Variants in SGCZ observed in about 807,000 individuals in gnomAD.
SGCZ encodes the protein zeta-sarcoglycan.
In SGCZ, 40 loss-of-function variants were observed where a neutral mutation model predicts 41.3. That is an observed-to-expected ratio of 0.97 (90% CI 0.75 to 1.26). SGCZ has a LOEUF of 1.26. Among genes scored for constraint, SGCZ ranks in the 50% most tolerant of loss-of-function variants. The pLI, the probability that SGCZ is intolerant of heterozygous loss-of-function variation, is 0.00. For missense variants in SGCZ, 552 were observed against 369.8 expected, an observed-to-expected ratio of 1.49 and a Z score of -4.04; for synonymous variants, 206 against 137.5, an observed-to-expected ratio of 1.50 and a Z score of -3.49.
chr8:14,541,102 A>G (rs28735346), intron 2 of SGCZ, among the ~76,000 whole-genome samples: 1,557 of 151,772 alleles, frequency 0.01, 21 homozygotes, highest in African/African-American at 0.036. Context: ...ACACACATAT[A>G]TTATATATAT....
chr8:14,499,513 T>C (rs1169611615), intron 2 of SGCZ, among the ~76,000 whole-genome samples: 1 of 152,060 alleles, frequency 6.6e-6, no homozygotes, highest in African/African-American at 2.4e-5. Context: ...CATTTCTGTT[T>C]GTCATTGGCT....
intron 1 of SGCZ, among the ~76,000 whole-genome samples, chr8:14,922,421 T>A (rs1024536588): frequency 6.6e-6 from 1 of 152,148 alleles, no homozygotes; most frequent in Admixed American, 6.5e-5. Flanking sequence ...CGAGTGAATA[T>A]GGGCTACCTA....
chr8:14,464,222 C>A (rs1448392792), intron 2 of SGCZ, among the ~76,000 whole-genome samples: 1 of 151,466 alleles, frequency 6.6e-6, no homozygotes, highest in African/African-American at 2.4e-5. Context: ...TGGGTAGAAT[C>A]CACTGGTGAA....
intron 5 of SGCZ, among the ~76,000 whole-genome samples, chr8:14,138,216 C>G (rs1439569356): frequency 6.6e-6 from 1 of 152,182 alleles, no homozygotes; most frequent in Non-Finnish European, 1.5e-5. Flanking sequence ...GTACCAGCCA[C>G]TACAAAAACA....
chr8:15,149,076 C>T lies in SGCZ; in HGVS notation c.39+88509G>A, dbSNP rs142085889. On this transcript the variant is annotated intron_variant, in intron 1 of 7. Transcript: ENST00000382080. ...CAAAAGGAGGGAATTCTGTAAGTGT[C>T]TGTTAAGTGTCCCTGTTTTGAAGAT... Among the ~76,000 whole-genome samples, 594 of 152,266 alleles carry T rather than the reference C, an allele frequency of 3.9e-3. 2 individuals are homozygous for T. Among genetic ancestry groups the T allele is most frequent in the Admixed American group, 7.8e-3 (120 of 15,296 alleles).
intron 1 of SGCZ, among the ~76,000 whole-genome samples, chr8:14,856,122 A>G (rs1438258602): frequency 6.6e-6 from 1 of 152,242 alleles, no homozygotes; most frequent in Non-Finnish European, 1.5e-5. Context: ...AGGATTAAGG[A>G]TGGTGGCTAG....
chr8:14,596,640 C>G (rs890426782), intron 1 of SGCZ, among the ~76,000 whole-genome samples: 1 of 151,944 alleles, frequency 6.6e-6, no homozygotes, highest in African/African-American at 2.4e-5. Flanking sequence ...TTTAGAATAT[C>G]GTCCATGTGG....
chr8:14,704,911 T>C (rs1809284678), intron 1 of SGCZ, among the ~76,000 whole-genome samples: 1 of 151,998 alleles, frequency 6.6e-6, no homozygotes, highest in Non-Finnish European at 1.5e-5. Flanking sequence ...TAAGAATCGA[T>C]GCAACTATCA....
At chr8:15,221,598 T>C (rs1801604643) in intron 1 of SGCZ, among the ~76,000 whole-genome samples, 1 of 152,182 alleles carries the variant, frequency 6.6e-6, no homozygotes, top group Non-Finnish European at 1.5e-5. Context: ...ATTTGAAATC[T>C]GTGAAGACAC....
At chr8:15,194,397 G>C (rs1205610280) in intron 1 of SGCZ, among the ~76,000 whole-genome samples, 2 of 152,116 alleles carry the variant, frequency 1.3e-5, no homozygotes, top group South Asian at 2.1e-4. Flanking sequence ...TAACTTGTGT[G>C]GTAGGTACAA....
chr8:15,109,262 T>C (rs1394617991), intron 1 of SGCZ, among the ~76,000 whole-genome samples: 3 of 152,136 alleles, frequency 2.0e-5, no homozygotes, highest in African/African-American at 2.4e-5. Flanking sequence ...GTTTTTAGAA[T>C]TTCTTTTTAT....
intron 1 of SGCZ, among the ~76,000 whole-genome samples, chr8:14,899,790 A>C (rs1198680978): frequency 6.6e-6 from 1 of 152,026 alleles, no homozygotes; most frequent in East Asian, 1.9e-4. Context: ...CAGAGGGAGG[A>C]ATACAGGAAG....
intron 1 of SGCZ, among the ~76,000 whole-genome samples, chr8:15,094,750 T>C (rs539762256): frequency 6.6e-6 from 1 of 152,252 alleles, no homozygotes; most frequent in Non-Finnish European, 1.5e-5. Flanking sequence ...GTTTCCCCCA[T>C]ACTGTTCTCT....
chr8:15,041,288 G>C (rs1242304540), intron 1 of SGCZ, among the ~76,000 whole-genome samples: 1 of 151,500 alleles, frequency 6.6e-6, no homozygotes, highest in Admixed American at 6.6e-5. Context: ...TGAATATTTG[G>C]GAACCCTTGT....
At position 15,094,129 on chromosome 8, in the gene SGCZ, G is replaced by A. The variant is rs1322775111; in HGVS notation, c.39+143456C>T. Among the ~76,000 whole-genome samples, 9 of 151,820 alleles carry A rather than the reference G, an allele frequency of 5.9e-5. No homozygotes were observed. In the East Asian group the frequency reaches 9.7e-4, roughly 16 times the overall value. ...TACGGCAGTTGTTTTATTTATTTAT[G>A]GTTTTTTTTAAATTTTTTTTTTTGA... is the stretch of plus-strand genomic sequence containing the variant. On this transcript the variant is annotated intron_variant, in intron 1 of 7. Coordinates refer to ENST00000382080, the MANE Select transcript of SGCZ (RefSeq NM_139167.4).
At chr8:15,013,385 G>A (rs1802909566) in intron 1 of SGCZ, among the ~76,000 whole-genome samples, 1 of 152,208 alleles carries the variant, frequency 6.6e-6, no homozygotes. Context: ...TTATTCCCAT[G>A]AATTGAAGTG....
chr8:14,564,016 A>C lies in SGCZ; in HGVS notation c.40-9090T>G, dbSNP rs1292255343. 2.0e-5 allele frequency among the ~76,000 whole-genome samples: 3 copies of C among 152,228 alleles called. No individual in the cohort carries two copies. The East Asian group carries it at 5.8e-4, about 29-fold the overall frequency. ...TTCTCACTCACTAATTTGATTCCTT[A>C]AAATTAAAATATAAATTGAGCCTCT... On this transcript the variant is annotated intron_variant, in intron 1 of 7. Transcript: ENST00000382080.
intron 1 of SGCZ, among the ~76,000 whole-genome samples, chr8:15,123,733 C>T (rs537598326): frequency 6.6e-6 from 1 of 152,298 alleles, no homozygotes; most frequent in Non-Finnish European, 1.5e-5. Flanking sequence ...TATACTTTCT[C>T]CCTAATGTGT....
At chr8:14,464,415 A>C (rs917187933) in intron 2 of SGCZ, among the ~76,000 whole-genome samples, 9 of 150,476 alleles carry the variant, frequency 6.0e-5, no homozygotes, top group African/African-American at 2.2e-4. Context: ...GACTCTTATA[A>C]TCCTTTTTAT....
Sources: gnomAD v4.1 joint callset for allele counts (sites outside exome capture counted in the v4.1 genomes callset) on GRCh38, gnomAD v4.1.1 for gene constraint, MANE v1.5 for transcripts, NCBI Gene and HGNC (gene_info 2026-07-23, HGNC 2026-07-21) for gene names.